The following THSD4 variants were observed in gnomAD, a reference collection of about 807,000 sequenced individuals.
THSD4 encodes the protein thrombospondin type 1 domain containing 4.
THSD4 carries 69 observed loss-of-function variants against 119.0 expected under a neutral mutation model. The ratio of observed to expected loss-of-function variants is 0.58; its 90% CI spans 0.48 to 0.71. The LOEUF is 0.71. Among genes scored for constraint, THSD4 ranks in the 30% least tolerant of loss-of-function variants. The probability of loss-of-function intolerance (pLI) is 0.00; values close to 1 mark genes in which losing one functional copy is unlikely to be tolerated. For synonymous variants in THSD4, 524 were observed against 540.4 expected (o/e 0.97, Z 0.42); for missense variants, 1,393 against 1,391.1 (o/e 1.00, Z -0.02).
chr15:71,764,392 C>A (rs78471071), intron 15 of THSD4, among the ~76,000 whole-genome samples: 1 of 152,202 alleles, frequency 6.6e-6, no homozygotes, highest in African/African-American at 2.4e-5. Context: ...TATGTAATTG[C>A]CTGGCTTCTT....
chr15:71,219,762 A>G (rs568189210), intron 4 of THSD4, among the ~76,000 whole-genome samples: 1 of 152,354 alleles, frequency 6.6e-6, no homozygotes, highest in East Asian at 1.9e-4. Context: ...CATTTTATAA[A>G]CAATGAAACC....
chr15:71,519,602 T>A, intron 7 of THSD4, among the ~76,000 whole-genome samples: 1 of 152,220 alleles, frequency 6.6e-6, no homozygotes, highest in East Asian at 1.9e-4. Flanking sequence ...CCTCAAGTGA[T>A]CCAACCGCCT....
chr15:71,712,402 C>T (rs971554979), intron 8 of THSD4, among the ~76,000 whole-genome samples: 21 of 152,254 alleles, frequency 1.4e-4, no homozygotes, highest in African/African-American at 5.1e-4. Context: ...GCATTAAATG[C>T]TTATCCTGGA....
At chr15:71,142,669 C>T (rs1418938429) in intron 2 of THSD4, among the ~76,000 whole-genome samples, 1 of 152,164 alleles carries the variant, frequency 6.6e-6, no homozygotes, top group Non-Finnish European at 1.5e-5. Context: ...AAAATCCTAA[C>T]CCATTACAGG....
intron 2 of THSD4, among the ~76,000 whole-genome samples, chr15:71,146,443 GT>G (rs569407021): frequency 0.17 from 22,565 of 134,466 alleles, 3,013 homozygotes; most frequent in African/African-American, 0.39. Context: ...TTTGCCAGTA[GT>G]TTTTTTTTTT....
intron 6 of THSD4, among the ~76,000 whole-genome samples, chr15:71,303,673 C>G (rs767299020): frequency 7.9e-5 from 12 of 152,154 alleles, no homozygotes; most frequent in Non-Finnish European, 1.6e-4. Flanking sequence ...AGTGCCCTCT[C>G]TAGGTGGTAC....
chr15:71,097,280 A>G (rs2040234417), intron 1 of THSD4, among the ~76,000 whole-genome samples: 2 of 152,184 alleles, frequency 1.3e-5, no homozygotes, highest in African/African-American at 4.8e-5. Flanking sequence ...TATTGAGGTG[A>G]AAGGCTGGGC....
At chr15:71,444,612 C>T (rs962922701) in intron 7 of THSD4, among the ~76,000 whole-genome samples, 4 of 152,220 alleles carry the variant, frequency 2.6e-5, no homozygotes, top group African/African-American at 4.8e-5. Context: ...ATATTTTCTT[C>T]CTCCCTTGTG....
chr15:71,663,820 G>A (rs1029329337), intron 8 of THSD4, among the ~76,000 whole-genome samples: 3 of 152,056 alleles, frequency 2.0e-5, no homozygotes, highest in Non-Finnish European at 2.9e-5. Context: ...TGAGGGTTCT[G>A]GTTTTCTTAC....
intron 3 of THSD4, among the ~76,000 whole-genome samples, chr15:71,171,125 T>G (rs2141403628): frequency 6.6e-6 from 1 of 152,120 alleles, no homozygotes; most frequent in East Asian, 1.9e-4. Flanking sequence ...AGAAAAAATA[T>G]TTGAAGAAAT....
At chr15:71,328,341 G>A (rs2045373835) in intron 6 of THSD4, among the ~76,000 whole-genome samples, 1 of 152,168 alleles carries the variant, frequency 6.6e-6, no homozygotes, top group African/African-American at 2.4e-5. Context: ...TAGCTTGGTG[G>A]GTGAAGAATG....
chr15:71,774,439 C>T (rs975973163), intron 17 of THSD4, among the ~76,000 whole-genome samples: 1 of 152,002 alleles, frequency 6.6e-6, no homozygotes, highest in Non-Finnish European at 1.5e-5. Flanking sequence ...AAATATTAGA[C>T]AATGTTTGTT....
At chr15:71,204,401 G>T (rs1031553327) in intron 3 of THSD4, among the ~76,000 whole-genome samples, 5 of 152,204 alleles carry the variant, frequency 3.3e-5, no homozygotes, top group African/African-American at 1.2e-4. Context: ...TGTGCTCAGA[G>T]CCTCTTTGCT....
intron 8 of THSD4, among the ~76,000 whole-genome samples, chr15:71,727,472 G>T (rs1482832272): frequency 6.7e-6 from 1 of 149,370 alleles, no homozygotes; most frequent in African/African-American, 2.5e-5. Flanking sequence ...GAGGCAGGCA[G>T]ATCGCTTGAG....
intron 8 of THSD4, among the ~76,000 whole-genome samples, chr15:71,711,167 TA>T (rs1315770524): frequency 1.3e-5 from 2 of 150,288 alleles, no homozygotes; most frequent in African/African-American, 4.9e-5. Context: ...ATAACATAAA[TA>T]GGGGAGACTT....
intron 7 of THSD4, among the ~76,000 whole-genome samples, chr15:71,631,874 C>T (rs571722643): frequency 4.1e-4 from 62 of 152,256 alleles, no homozygotes; most frequent in African/African-American, 1.4e-3. Flanking sequence ...ACTATCATTC[C>T]GTCCAATATC....
chr15:71,568,341 A>G (rs1460063795), intron 7 of THSD4, among the ~76,000 whole-genome samples: 1 of 152,052 alleles, frequency 6.6e-6, no homozygotes, highest in Non-Finnish European at 1.5e-5. Flanking sequence ...CCACAATGCT[A>G]CAAAATAGGA....
intron 8 of THSD4, among the ~76,000 whole-genome samples, chr15:71,684,488 G>T (rs1567099768): frequency 6.6e-6 from 1 of 151,048 alleles, no homozygotes; most frequent in Non-Finnish European, 1.5e-5. Context: ...CATCATTGGG[G>T]TAAGAAAGTC....
chr15:71,421,912 T>C (rs1394846864), intron 7 of THSD4, among the ~76,000 whole-genome samples: 1 of 152,240 alleles, frequency 6.6e-6, no homozygotes, highest in African/African-American at 2.4e-5. Context: ...GTCTTCAGGC[T>C]TACTGATTCT....
Sources: gnomAD v4.1 joint callset for allele counts (sites outside exome capture counted in the v4.1 genomes callset) on GRCh38, gnomAD v4.1.1 for gene constraint, MANE v1.5 for transcripts, NCBI Gene and HGNC (gene_info 2026-07-23, HGNC 2026-07-21) for gene names.